Variants in MAGI2 observed in about 807,000 individuals in gnomAD.
MAGI2 encodes the protein membrane-associated guanylate kinase, WW and PDZ domain-containing protein 2.
MAGI2 carries 35 observed loss-of-function variants against 133.3 expected under a neutral mutation model. That is an observed-to-expected ratio of 0.26 (90% CI 0.20 to 0.35). The LOEUF is 0.35. Ranked by LOEUF, MAGI2 falls within the 10% of genes least tolerant of loss-of-function variation. MAGI2 has a pLI of 1.00. For missense variants in MAGI2, 1,636 were observed against 1,863.4 expected (o/e 0.88, Z 2.25); for synonymous variants, 729 against 710.6 (o/e 1.03, Z -0.41).
chr7:78,927,963 C>T (rs1799841463), intron 2 of MAGI2, among the ~76,000 whole-genome samples: 1 of 151,824 alleles, frequency 6.6e-6, no homozygotes, highest in Non-Finnish European at 1.5e-5. Flanking sequence ...TAGAAAAATA[C>T]TGAAATTGTA....
At chr7:79,313,417 ATC>A (rs1326975408) in intron 1 of MAGI2, among the ~76,000 whole-genome samples, 1 of 151,424 alleles carries the variant, frequency 6.6e-6, no homozygotes, top group African/African-American at 2.4e-5. Flanking sequence ...TACTGTCTCA[ATC>A]TCTCTCTTCT....
At chr7:79,081,973 T>G (rs1293881439) in intron 1 of MAGI2, among the ~76,000 whole-genome samples, 1 of 152,140 alleles carries the variant, frequency 6.6e-6, no homozygotes, top group African/African-American at 2.4e-5. Flanking sequence ...ACATACATTT[T>G]CATTTCTCTC....
intron 1 of MAGI2, among the ~76,000 whole-genome samples, chr7:79,281,121 T>G (rs1287075893): frequency 6.6e-6 from 1 of 151,844 alleles, no homozygotes; most frequent in East Asian, 1.9e-4. Flanking sequence ...GAAGATAACA[T>G]GTACTGACCA....
At chr7:78,712,535 G>A (rs549006103) in intron 2 of MAGI2, among the ~76,000 whole-genome samples, 7 of 152,254 alleles carry the variant, frequency 4.6e-5, no homozygotes, top group South Asian at 4.1e-4. Flanking sequence ...TAAACTAACC[G>A]GGGAAAGGGA....
intron 21 of MAGI2, among the ~76,000 whole-genome samples, chr7:78,043,947 G>A (rs1013436214): frequency 7.9e-5 from 12 of 152,162 alleles, no homozygotes; most frequent in Admixed American, 6.5e-4. Flanking sequence ...GACAATTAAT[G>A]GATTGGGCCA....
At chr7:78,635,198 G>A (rs1388336727) in intron 2 of MAGI2, among the ~76,000 whole-genome samples, 3 of 152,164 alleles carry the variant, frequency 2.0e-5, no homozygotes, top group Admixed American at 6.5e-5. Flanking sequence ...TCACATGGAA[G>A]CGACTTGTCA....
intron 1 of MAGI2, among the ~76,000 whole-genome samples, chr7:79,287,704 A>G (rs933046450): frequency 6.6e-6 from 1 of 152,140 alleles, no homozygotes; most frequent in Non-Finnish European, 1.5e-5. Context: ...CAAATAGGCA[A>G]TCAGTAAGTA....
intron 1 of MAGI2, among the ~76,000 whole-genome samples, chr7:79,036,803 T>G (rs1811166816): frequency 6.6e-6 from 1 of 152,158 alleles, no homozygotes; most frequent in African/African-American, 2.4e-5. Flanking sequence ...AATGAATGAA[T>G]AAAATAACCG....
chr7:79,170,778 G>T (rs1234951955), intron 1 of MAGI2, among the ~76,000 whole-genome samples: 2 of 152,008 alleles, frequency 1.3e-5, no homozygotes, highest in Non-Finnish European at 2.9e-5. Flanking sequence ...GGTCAGCTGG[G>T]ATAAGGGGTT....
chr7:78,527,022 A>AAAAAAAAAAAAAG (rs1563125136), intron 3 of MAGI2, among the ~76,000 whole-genome samples: 4 of 148,374 alleles, frequency 2.7e-5, no homozygotes, highest in African/African-American at 5.0e-5. Context: ...AAAAAAAAAA[A>AAAAAAAAAAAAAG]AAAAAAAAAA....
chr7:78,183,687 G>T (rs773485978), intron 13 of MAGI2, among the ~76,000 whole-genome samples: 1 of 151,340 alleles, frequency 6.6e-6, no homozygotes, highest in Non-Finnish European at 1.5e-5. Flanking sequence ...GTCTTGTCTC[G>T]GTCTCCCAAG....
At chr7:78,989,771 TACC>T (rs1206097798) in intron 2 of MAGI2, among the ~76,000 whole-genome samples, 1 of 152,002 alleles carries the variant, frequency 6.6e-6, no homozygotes. Context: ...CCTTGTTGCA[TACC>T]ACCGTTTTCA....
chr7:79,249,537 T>G (rs1217034859), intron 1 of MAGI2, among the ~76,000 whole-genome samples: 1 of 152,126 alleles, frequency 6.6e-6, no homozygotes, highest in Non-Finnish European at 1.5e-5. Flanking sequence ...GCCAATGAAT[T>G]GGAAAACCTA....
At chr7:78,025,916 CTT>C (rs1563018044) in intron 21 of MAGI2, among the ~76,000 whole-genome samples, 1 of 152,172 alleles carries the variant, frequency 6.6e-6, no homozygotes, top group Admixed American at 6.5e-5. Flanking sequence ...GCAGTAATAG[CTT>C]TACTTAAAGG....
intron 1 of MAGI2, among the ~76,000 whole-genome samples, chr7:79,292,886 C>G (rs772625113): frequency 1.4e-5 from 2 of 147,690 alleles, no homozygotes; most frequent in Non-Finnish European, 3.0e-5. Flanking sequence ...ATTAAGTCTT[C>G]GGCTTCCTCT....
chr7:78,372,057 A>G (rs1292036193), intron 6 of MAGI2, among the ~76,000 whole-genome samples: 1 of 47,022 alleles, frequency 2.1e-5, no homozygotes, highest in Non-Finnish European at 4.2e-5. Flanking sequence ...CTAATGTTTA[A>G]AAAGTTGTAT....
At position 78,821,219 on chromosome 7, in the gene MAGI2, G is replaced by A. The variant is rs188877646; in HGVS notation, c.418+185871C>T. Among the ~76,000 whole-genome samples the A allele has an allele frequency of 3.2e-3, 486 of 152,122 alleles. 1 individual carries two copies. Among genetic ancestry groups the A allele is most frequent in the African/African-American group, 0.01 (432 of 41,558 alleles). ...GGGAGAGTACTATGAGATATGTTAC[G>A]AAGAGTATCCATTCAATCATTTAAC... On this transcript the variant is annotated intron_variant, in intron 2 of 21. Coordinates refer to ENST00000354212, the MANE Select transcript of MAGI2 (RefSeq NM_012301.4).
intron 9 of MAGI2, among the ~76,000 whole-genome samples, chr7:78,334,066 A>C (rs1160957912): frequency 6.6e-6 from 1 of 152,190 alleles, no homozygotes; most frequent in Non-Finnish European, 1.5e-5. Flanking sequence ...AACAAGCCAG[A>C]AAACATTTTC....
At chr7:78,730,677 T>G (rs905418121) in intron 2 of MAGI2, among the ~76,000 whole-genome samples, 8 of 152,134 alleles carry the variant, frequency 5.3e-5, no homozygotes, top group Non-Finnish European at 1.2e-4. Flanking sequence ...GAGTTGACTT[T>G]TAAGGCAATA....
Sources: allele counts gnomAD v4.1 joint callset (sites outside exome capture counted in the v4.1 genomes callset), GRCh38; gene constraint gnomAD v4.1.1; transcripts MANE v1.5; gene names NCBI Gene and HGNC (gene_info 2026-07-23, HGNC 2026-07-21).